WDR7: variants seen among roughly 807,000 people sequenced by gnomAD.
The protein encoded by WDR7 is WD repeat-containing protein 7.
WDR7 carries 46 observed loss-of-function variants against 169.4 expected under a neutral mutation model. That is an observed-to-expected ratio of 0.27 (90% CI 0.21 to 0.35). The LOEUF is 0.35. WDR7 is among the 10% of genes least tolerant of loss of function. WDR7 has a pLI of 1.00. For synonymous variants in WDR7, 612 were observed against 666.8 expected (o/e 0.92, Z 1.27); for missense variants, 1,534 against 1,859.3 (o/e 0.83, Z 3.22).
At chr18:56,777,662 A>G (rs1489413870) in intron 17 of WDR7, among the ~76,000 whole-genome samples, 4 of 152,340 alleles carry the variant, frequency 2.6e-5, no homozygotes, top group African/African-American at 9.6e-5. Context: ...AGACATTTTC[A>G]AAATCAAAAA....
At chr18:56,857,262 A>AT (rs777740449) in intron 20 of WDR7, among the ~76,000 whole-genome samples, 22 of 151,912 alleles carry the variant, frequency 1.4e-4, no homozygotes, top group Admixed American at 3.3e-4. Context: ...GCATAAAACC[A>AT]TTTTTTTCTT....
intron 3 of WDR7, among the ~76,000 whole-genome samples, chr18:56,680,364 GCAAAA>G (rs1269526171): frequency 2.0e-5 from 3 of 151,936 alleles, no homozygotes; most frequent in Admixed American, 2.0e-4. Flanking sequence ...TCTCAAAAAA[GCAAAA>G]CAAAACAGAA....
At chr18:56,942,219 C>T (rs1424850325) in intron 25 of WDR7, among the ~76,000 whole-genome samples, 1 of 152,108 alleles carries the variant, frequency 6.6e-6, no homozygotes, top group Non-Finnish European at 1.5e-5. Flanking sequence ...ACCCCAGATG[C>T]ACAGGCTCAG....
intron 7 of WDR7, among the ~76,000 whole-genome samples, chr18:56,688,267 A>G (rs894663554): frequency 6.6e-6 from 1 of 152,174 alleles, no homozygotes; most frequent in Admixed American, 6.5e-5. Flanking sequence ...GGGATGGGCC[A>G]TATGGTGAAA....
At chr18:56,884,819 C>T (rs926052627) in intron 21 of WDR7, among the ~76,000 whole-genome samples, 1 of 152,228 alleles carries the variant, frequency 6.6e-6, no homozygotes, top group African/African-American at 2.4e-5. Context: ...GCACCACCTC[C>T]TGGCTGGAAG....
intron 26 of WDR7, among the ~76,000 whole-genome samples, chr18:57,019,891 T>C (rs1041269333): frequency 1.3e-5 from 2 of 152,216 alleles, no homozygotes; most frequent in Non-Finnish European, 2.9e-5. Context: ...TAAGCCAGAT[T>C]GAATATTGGT....
chr18:56,926,921 C>T (rs1190785537), intron 22 of WDR7, among the ~76,000 whole-genome samples: 1 of 152,122 alleles, frequency 6.6e-6, no homozygotes, highest in African/African-American at 2.4e-5. Context: ...AAGTGTGGAT[C>T]TTACCCTTGT....
intron 14 of WDR7, among the ~76,000 whole-genome samples, chr18:56,737,761 A>G (rs2026732083): frequency 6.6e-6 from 1 of 152,204 alleles, no homozygotes; most frequent in South Asian, 2.1e-4. Flanking sequence ...CACTGTGAAA[A>G]GGGCACTGTA....
At chr18:56,713,629 C>T (rs1189709646) in intron 12 of WDR7, among the ~76,000 whole-genome samples, 1 of 151,928 alleles carries the variant, frequency 6.6e-6, no homozygotes, top group African/African-American at 2.4e-5. Flanking sequence ...TGTTATAATG[C>T]CATTGGTGTT....
At chr18:57,016,449 AT>A (rs1432965135) in intron 26 of WDR7, among the ~76,000 whole-genome samples, 2 of 152,222 alleles carry the variant, frequency 1.3e-5, no homozygotes, top group Non-Finnish European at 2.9e-5. Context: ...AGAAAAAAAA[AT>A]GATGAGACCT....
intron 26 of WDR7, among the ~76,000 whole-genome samples, chr18:56,981,054 A>G (rs975612137): frequency 6.6e-6 from 1 of 152,216 alleles, no homozygotes; most frequent in Admixed American, 6.5e-5. Context: ...GTTTCAGGCT[A>G]TTCCAGAAGT....
intron 19 of WDR7, among the ~76,000 whole-genome samples, chr18:56,794,752 C>A (rs2044554756): frequency 6.6e-6 from 1 of 152,008 alleles, no homozygotes; most frequent in Admixed American, 6.6e-5. Context: ...TTTGTTTATG[C>A]CATTTAGGAT....
chr18:56,720,807 A>G (rs938057280), intron 13 of WDR7, among the ~76,000 whole-genome samples: 3 of 152,140 alleles, frequency 2.0e-5, no homozygotes, highest in Admixed American at 2.0e-4. Flanking sequence ...GATAAAATAC[A>G]GCATGTAATA....
intron 12 of WDR7, among the ~76,000 whole-genome samples, chr18:56,708,122 C>T (rs1439718813): frequency 6.6e-5 from 10 of 151,496 alleles, no homozygotes; most frequent in African/African-American, 2.4e-4. Context: ...CAACCTCCGC[C>T]TCCCAGGTTC....
intron 19 of WDR7, among the ~76,000 whole-genome samples, chr18:56,791,804 C>T (rs753406042): frequency 2.0e-5 from 3 of 152,234 alleles, no homozygotes; most frequent in African/African-American, 7.2e-5. Context: ...TTTCCTTCTC[C>T]GTTTTGTCAC....
At chr18:56,693,657 T>G (rs2025630481) in intron 9 of WDR7, among the ~76,000 whole-genome samples, 1 of 145,020 alleles carries the variant, frequency 6.9e-6, no homozygotes, top group South Asian at 2.3e-4. Context: ...CTGCAACCTT[T>G]GCTTCCTGGG....
At chr18:56,785,699 G>T (rs955615207) in intron 19 of WDR7, among the ~76,000 whole-genome samples, 1 of 152,090 alleles carries the variant, frequency 6.6e-6, no homozygotes, top group Non-Finnish European at 1.5e-5. Flanking sequence ...AAAGCATCTG[G>T]TCTTACTGAC....
intron 20 of WDR7, among the ~76,000 whole-genome samples, chr18:56,850,334 G>T (rs2045623302): frequency 6.6e-6 from 1 of 152,086 alleles, no homozygotes; most frequent in African/African-American, 2.4e-5. Context: ...GTTGATCATG[G>T]CTGTGTAACC....
At chr18:56,879,537 G>T (rs1352745768) in intron 20 of WDR7, among the ~76,000 whole-genome samples, 1 of 152,090 alleles carries the variant, frequency 6.6e-6, no homozygotes, top group African/African-American at 2.4e-5. Flanking sequence ...TCTGTGGGTT[G>T]TCTTTATCCT....
Sources: gnomAD v4.1 joint callset for allele counts (sites outside exome capture counted in the v4.1 genomes callset) on GRCh38, gnomAD v4.1.1 for gene constraint, MANE v1.5 for transcripts, NCBI Gene and HGNC (gene_info 2026-07-23, HGNC 2026-07-21) for gene names.